The following ACSL6 variants were observed in gnomAD, a reference collection of about 807,000 sequenced individuals.
The protein encoded by ACSL6 is long-chain-fatty-acid--CoA ligase 6.
Under a neutral mutation model 98.2 loss-of-function variants are expected in ACSL6, and 47 were observed. The ratio of observed to expected loss-of-function variants is 0.48; its 90% CI spans 0.38 to 0.61. The LOEUF is 0.61. Among genes scored for constraint, ACSL6 ranks in the 20% least tolerant of loss-of-function variants. ACSL6 has a pLI of 0.00. For missense variants in ACSL6, 761 were observed against 913.4 expected, an observed-to-expected ratio of 0.83 and a Z score of 2.15; for synonymous variants, 362 against 336.9, an observed-to-expected ratio of 1.07 and a Z score of -0.82.
Position 131,976,666 on chromosome 5 carries a change from G to A in ACSL6, c.972C>T (p.Gly324=). The change falls in exon 10 of 21, where the codon GGC becomes GGT. Residue 324 remains glycine, a synonymous_variant. Transcript: ENST00000651883. The part of the protein sequence containing the change: ...THGNVVADFS[G]FLKVTEKVIF... ...TATTCACCTCTGTCACTTTCAGAAA[G>A]CCTGAGAAATCAGCCACCACGTTCC... The A allele has an allele frequency of 6.2e-7, 1 of 1,614,146 alleles. No individual in the cohort carries two copies. Among genetic ancestry groups the A allele is most frequent in the South Asian group, 1.1e-5 (1 of 91,088 alleles).
upstream of ACSL6, chr5:132,011,675 C>T (rs868659885): frequency 1.4e-5 from 18 of 1,267,658 alleles, no homozygotes; most frequent in Non-Finnish European, 1.8e-5. The surrounding 1 kb of genome is among the most constrained non-coding windows in gnomAD (Gnocchi z 5.4). Flanking sequence ...TATTTTTAGC[C>T]CCCGCCCTCC....
chr5:132,004,912 G>T (rs1318771069), intron 1 of ACSL6, among the ~76,000 whole-genome samples: 1 of 152,140 alleles, frequency 6.6e-6, no homozygotes, highest in Non-Finnish European at 1.5e-5. Context: ...AGGCTGAGAT[G>T]GGTGGATCAC....
rs1310355937 is a variant in ACSL6 at position 132,010,854 on chromosome 5, G to A, written c.49+651C>T. Reference sequence around the variant, plus strand: ...GGTTGAGGGAGGTAAGCGCGGAGGCGGGATCGAGCAGGGGTCCTTGTAGCC... The same window carrying A: ...GGTTGAGGGAGGTAAGCGCGGAGGCAGGATCGAGCAGGGGTCCTTGTAGCC... On this transcript the variant is annotated intron_variant, in intron 1 of 20. Coordinates refer to ENST00000651883, the MANE Select transcript of ACSL6 (RefSeq NM_001009185.3). 2.6e-5 allele frequency among the ~76,000 whole-genome samples: 4 copies of A among 152,284 alleles called. No homozygotes were observed. The East Asian group carries it at 5.8e-4, about 22-fold the overall frequency.
At chr5:131,969,463 T>G (rs1041565056) in intron 15 of ACSL6, among the ~76,000 whole-genome samples, 7 of 152,268 alleles carry the variant, frequency 4.6e-5, no homozygotes, top group South Asian at 2.1e-4. Context: ...GTTTTTTTTT[T>G]GTCACAGGTT....
At chr5:131,977,828 A>G (rs1753699018) in intron 9 of ACSL6, among the ~76,000 whole-genome samples, 1 of 152,106 alleles carries the variant, frequency 6.6e-6, no homozygotes, top group Non-Finnish European at 1.5e-5. Context: ...AATGGAGTTG[A>G]TTTTATGCTA....
chr5:131,952,769 C>A lies in ACSL6; in HGVS notation c.*1465G>T, dbSNP rs1043842869. ...AAAGGAGGTTTTAGTGGTTAAACTTCGGCACGCTTAAAGATTTTAGGAATG... is the reference window on the plus strand; with the variant it reads ...AAAGGAGGTTTTAGTGGTTAAACTTAGGCACGCTTAAAGATTTTAGGAATG... On this transcript the variant is annotated 3_prime_UTR_variant, in exon 21 of 21. Coordinates refer to ENST00000651883, the MANE Select transcript of ACSL6 (RefSeq NM_001009185.3). 4.6e-6 allele frequency: 1 copy of A among 218,538 alleles called. No individual in the cohort carries two copies. Among genetic ancestry groups the A allele is most frequent in the Non-Finnish European group, 9.2e-6 (1 of 108,954 alleles). The allele number at this position is 218,538 out of a possible 1,614,324, so 13.5% of individuals were successfully genotyped here.
At position 131,988,156 on chromosome 5, in the gene ACSL6, C is replaced by T. The variant is rs1311709773; in HGVS notation, c.723G>A (p.Lys241=). The change falls in exon 7 of 21, where the codon AAG becomes AAA. Residue 241 remains lysine (K), a synonymous_variant. Transcript: ENST00000651883. ...AVLLLEHVER[K]ETPGLKLIIL... is the part of the protein sequence containing the mutation. ...TGATCAGCTTGAGGCCTGGAGTCTC[C>T]TTCCTCTCCACATGCTCTAGCAGAA... 8 of 1,614,106 alleles carry T rather than the reference C, an allele frequency of 5.0e-6. No homozygotes were observed. Among genetic ancestry groups the T allele is most frequent in the Middle Eastern group, 1.6e-4 (1 of 6,062 alleles).
intron 18 of ACSL6, 145 bp downstream of exon 18, chr5:131,962,390 G>T: frequency 2.1e-6 from 2 of 943,874 alleles, no homozygotes; most frequent in Non-Finnish European, 3.0e-6. Context: ...CAAACTATAA[G>T]TAAGATTTCT....
chr5:131,960,610 T>C lies in ACSL6; in HGVS notation c.1869A>G (p.Val623=), dbSNP rs1250325259. 3.7e-6 allele frequency: 6 copies of C among 1,613,774 alleles called. No individual in the cohort carries two copies. Among genetic ancestry groups the C allele is most frequent in the South Asian group, 2.2e-5 (2 of 90,998 alleles). ...VHGDSLKAFL[V]GIVVPDPEVM... ...CTTCAGGGTCAGGCACAACAATGCC[T>C]ACCAAAAAGGCCTGCAGTGCTCACC... The change falls in exon 19 of 21, where the codon GTA becomes GTG. Residue 623 remains valine (V), a synonymous_variant. Coordinates refer to ENST00000651883, the MANE Select transcript of ACSL6 (RefSeq NM_001009185.3).
chr5:131,967,868 C>G, intron 16 of ACSL6, 72 bp downstream of exon 16: 1 of 1,340,012 alleles, frequency 7.5e-7, no homozygotes, highest in Non-Finnish European at 1.1e-6. Flanking sequence ...AAAATCATTC[C>G]ATCCCTACTG....
intron 1 of ACSL6, among the ~76,000 whole-genome samples, chr5:132,004,532 GA>G (rs1398816243): frequency 6.6e-6 from 1 of 152,190 alleles, no homozygotes; most frequent in Non-Finnish European, 1.5e-5. Flanking sequence ...GGGGCTAAAG[GA>G]AACTGGTATT....
At chr5:131,989,336 G>T in intron 5 of ACSL6, 71 bp downstream of exon 5, 3 of 1,406,054 alleles carry the variant, frequency 2.1e-6, no homozygotes, top group Non-Finnish European at 2.0e-6. Flanking sequence ...AACAGTGAAA[G>T]CAGGACTATT....
Position 131,952,941 on chromosome 5 carries a change from T to G in ACSL6, c.*1293A>C, listed in dbSNP as rs1473022379. On this transcript the variant is annotated 3_prime_UTR_variant, in exon 21 of 21. Coordinates refer to ENST00000651883, the MANE Select transcript of ACSL6 (RefSeq NM_001009185.3). Reference sequence around the variant, plus strand: ...CTCCTTCCCACCTTCTGCCTTGATATTCTTACTGGAAAAAAAGTGAAATTG... The same window carrying G: ...CTCCTTCCCACCTTCTGCCTTGATAGTCTTACTGGAAAAAAAGTGAAATTG... The G allele has an allele frequency of 4.7e-6, 1 of 212,858 alleles. No homozygotes were observed. The highest frequency in any genetic ancestry group is 2.3e-5 in the African/African-American group (1 of 44,242). The allele number at this position is 212,858 out of a possible 1,614,324, so 13.2% of individuals were successfully genotyped here. A position where few individuals can be genotyped will look rare whatever the true frequency, so the allele number is the denominator to read the frequency against.
chr5:131,973,714 C>T (rs1409520593), intron 11 of ACSL6: 4 of 244,652 alleles, frequency 1.6e-5, no homozygotes, highest in African/African-American at 4.5e-5. Context: ...GGACATGGGC[C>T]TCCCTGGGGA....
chr5:131,968,012 T>TGGC lies in ACSL6; in HGVS notation c.1521_1523dup (p.Pro508dup). On this transcript the variant is annotated inframe_insertion, in exon 16 of 21. Coordinates refer to ENST00000651883, the MANE Select transcript of ACSL6 (RefSeq NM_001009185.3). ...CGAGCTTGATATGATTGCAGGGAAG[T>TGGC]GGCGCCCCTACGTGCCCTGGAACAC... The TGGC allele has an allele frequency of 6.2e-7, 1 of 1,613,960 alleles. No homozygotes were observed. Among genetic ancestry groups the TGGC allele is most frequent in the Non-Finnish European group, 8.5e-7 (1 of 1,179,886 alleles).
At chr5:131,959,195 G>A (rs991250628) in intron 20 of ACSL6, among the ~76,000 whole-genome samples, 7 of 152,206 alleles carry the variant, frequency 4.6e-5, no homozygotes, top group East Asian at 1.9e-4. Flanking sequence ...CCAAGAAGAC[G>A]GTCCCCACAA....
At chr5:131,973,038 T>C (rs1048052690) in intron 12 of ACSL6, among the ~76,000 whole-genome samples, 180 bp from the exon 13 acceptor site, 1 of 152,190 alleles carries the variant, frequency 6.6e-6, no homozygotes, top group East Asian at 1.9e-4. Context: ...CCAGGCATGC[T>C]GTGAAGATGG....
chr5:131,974,924 G>A lies in ACSL6; in HGVS notation c.1037C>T (p.Pro346Leu). 6.2e-7 allele frequency: 1 copy of A among 1,614,206 alleles called. No homozygotes were observed. Among genetic ancestry groups the A allele is most frequent in the Middle Eastern group, 1.7e-4 (1 of 6,060 alleles). Reference protein sequence around the residue: ...RQDDVLISFLPLAHMFERVIQ... With the variant: ...RQDDVLISFLLLAHMFERVIQ... The stretch of plus-strand genomic sequence containing the variant: ...TACTCTCTCAAACATGTGAGCCAGA[G>A]GCAGGAAGGAGATGAGCACATCGTC... Residue 346 changes from proline (P) to leucine (L), a missense_variant, in exon 11 of 21, where the codon CCT becomes CTT. By Grantham distance (98) the Pro-to-Leu change is moderately conservative. Coordinates refer to ENST00000651883, the MANE Select transcript of ACSL6 (RefSeq NM_001009185.3).
At chr5:131,973,742 T>C (rs557057482) in intron 11 of ACSL6, 1 of 207,332 alleles carries the variant, frequency 4.8e-6, no homozygotes, top group South Asian at 1.0e-4. Flanking sequence ...CTTTGAGATG[T>C]ACTACAGCCT....
Sources: allele counts gnomAD v4.1 joint callset (sites outside exome capture counted in the v4.1 genomes callset), GRCh38; gene constraint gnomAD v4.1.1; non-coding constraint Gnocchi (gnomAD v3.1); transcripts MANE v1.5; gene names NCBI Gene and HGNC (gene_info 2026-07-23, HGNC 2026-07-21).